Variants in KLHL18 observed in about 807,000 individuals in gnomAD.
KLHL18 encodes kelch like family member 18.
KLHL18 carries 38 observed loss-of-function variants against 58.5 expected under a neutral mutation model. The observed-to-expected ratio is 0.65, with a 90% confidence interval of 0.50 to 0.85. The LOEUF is 0.85. KLHL18 is among the 40% of genes least tolerant of loss of function. The pLI is 0.00. For missense variants in KLHL18, 624 were observed against 778.4 expected (o/e 0.80, Z 2.36); for synonymous variants, 303 against 301.9 (o/e 1.00, Z -0.04).
At chr3:47,299,980 G>A (rs56775587) in intron 1 of KLHL18, among the ~76,000 whole-genome samples, 10,795 of 151,444 alleles carry the variant, frequency 0.071, 1,266 homozygotes, top group African/African-American at 0.24. Context: ...TGTATATTTT[G>A]GATTTGCTAG....
At chr3:47,339,596 C>G (rs1006564719) in intron 7 of KLHL18, among the ~76,000 whole-genome samples, 16 of 152,176 alleles carry the variant, frequency 1.1e-4, no homozygotes, top group African/African-American at 3.6e-4. Flanking sequence ...AAATTAGAGG[C>G]CATGCACATG....
intron 1 of KLHL18, among the ~76,000 whole-genome samples, chr3:47,308,193 T>C (rs922644927): frequency 6.6e-6 from 1 of 151,918 alleles, no homozygotes; most frequent in African/African-American, 2.4e-5. Context: ...ATTCTTTCCA[T>C]GCAGTCTGGG....
At chr3:47,325,559 G>A (rs976497305) in intron 3 of KLHL18, among the ~76,000 whole-genome samples, 3 of 152,266 alleles carry the variant, frequency 2.0e-5, no homozygotes, top group East Asian at 1.9e-4. Context: ...CTGAGCACCA[G>A]TGGAAAAGAT....
chr3:47,333,724 G>T (rs1703920908), intron 5 of KLHL18, among the ~76,000 whole-genome samples: 2 of 152,238 alleles, frequency 1.3e-5, no homozygotes, highest in Admixed American at 1.3e-4. Flanking sequence ...AGTCAGTGCT[G>T]TGGGCATGGA....
At chr3:47,317,530 T>G in intron 1 of KLHL18, among the ~76,000 whole-genome samples, 1 of 152,170 alleles carries the variant, frequency 6.6e-6, no homozygotes, top group African/African-American at 2.4e-5. Context: ...AGAGTTCCAG[T>G]AGATAATGTC....
At position 47,334,483 on chromosome 3, in the gene KLHL18, C is replaced by T. The variant is rs1703939554; in HGVS notation, c.762-200C>T. Among the ~76,000 whole-genome samples, 1 of 152,046 alleles carries T rather than the reference C, an allele frequency of 6.6e-6. No homozygotes were observed. Among genetic ancestry groups the T allele is most frequent in the African/African-American group, 2.4e-5 (1 of 41,392 alleles). ...CTGAGGTGGTCTTTGCTTGTCTTGC[C>T]CCTTTAATTTTGAGTATATCTCAGT... On this transcript the variant is annotated intron_variant, in intron 5 of 9. Coordinates refer to ENST00000232766, the MANE Select transcript of KLHL18 (RefSeq NM_025010.5). This position sits in a 1 kb window ranked among gnomAD's most constrained non-coding sequence, Gnocchi z 4.7.
At chr3:47,319,950 A>G (rs978041442) in intron 2 of KLHL18, among the ~76,000 whole-genome samples, 167 bp downstream of exon 2, 6 of 152,126 alleles carry the variant, frequency 3.9e-5, no homozygotes, top group African/African-American at 1.4e-4. Context: ...GTGGTCTGAG[A>G]TAGGGTTAAA....
Position 47,344,471 on chromosome 3 carries a change from C to T in KLHL18, c.*530C>T. 1 of 160,810 alleles carries T rather than the reference C, an allele frequency of 6.2e-6. No homozygotes were observed. Among genetic ancestry groups the T allele is most frequent in the Non-Finnish European group, 1.4e-5 (1 of 74,058 alleles). The allele number at this position is 160,810 out of a possible 1,614,324, so 10.0% of individuals were successfully genotyped here. ...GCTGCACACAGGCACATTCCTTCTTCCACAGTGGGGCACCAAGGATTCTGT... is the reference window on the plus strand; with the variant it reads ...GCTGCACACAGGCACATTCCTTCTTTCACAGTGGGGCACCAAGGATTCTGT... On this transcript the variant is annotated 3_prime_UTR_variant, in exon 10 of 10. Transcript: ENST00000232766.
intron 4 of KLHL18, among the ~76,000 whole-genome samples, chr3:47,332,932 T>C (rs1703898399): frequency 6.6e-6 from 1 of 152,110 alleles, no homozygotes; most frequent in African/African-American, 2.4e-5. Context: ...AAGATGCCAT[T>C]GATGATTTTT....
At chr3:47,305,961 T>C (rs993191525) in intron 1 of KLHL18, among the ~76,000 whole-genome samples, 3 of 152,096 alleles carry the variant, frequency 2.0e-5, no homozygotes, top group African/African-American at 7.2e-5. Context: ...CCTGTATTGG[T>C]GATTTGTCTT....
In KLHL18 at chr3:47,300,637, C is replaced by CTTTTTTTTTTTT. The variant is rs10687949; in HGVS notation, c.129+17551_129+17562dup. 3.2e-4 allele frequency among the ~76,000 whole-genome samples: 25 copies of CTTTTTTTTTTTT among 76,930 alleles called. 1 individual carries two copies. Among genetic ancestry groups the CTTTTTTTTTTTT allele is most frequent in the South Asian group, 5.5e-4 (1 of 1,810 alleles). The allele number at this position is 76,930 out of a possible 152,430, so 50.5% of individuals were successfully genotyped here. ...TGAGTAGTGGTATCTCATTGTGATTCTTTTTTTTTTTTTTTTTTTGAGACA... is the reference window on the plus strand; with the variant it reads ...TGAGTAGTGGTATCTCATTGTGATTCTTTTTTTTTTTTTTTTTTTTTTTTTTTTTTTGAGACA... On this transcript the variant is annotated intron_variant, in intron 1 of 9. Transcript: ENST00000232766.
chr3:47,308,924 G>A (rs542844048), intron 1 of KLHL18, among the ~76,000 whole-genome samples: 13 of 152,250 alleles, frequency 8.5e-5, no homozygotes, highest in African/African-American at 2.2e-4. Context: ...GGGGCCTTCC[G>A]CAGTGTTTGT....
In KLHL18 at chr3:47,333,281, A is replaced by T; in HGVS notation, c.725A>T (p.Gln242Leu). ...CCCCAGTTCCTTTCAGACAGAGTAC[A>T]GCAGGATGACCTGGTGCGTTGCTGC... ...CRPQFLSDRV[Q>L]QDDLVRCCHK... is the part of the protein sequence containing the mutation. Residue 242 changes from glutamine (Q) to leucine (L), a missense_variant, in exon 5 of 10, where the codon CAG (glutamine) becomes CTG (leucine). By Grantham distance (113) the Gln-to-Leu change is moderately radical. Coordinates refer to ENST00000232766, the MANE Select transcript of KLHL18 (RefSeq NM_025010.5). 3 of 1,614,154 alleles carry T rather than the reference A, an allele frequency of 1.9e-6. No homozygotes were observed. Among genetic ancestry groups the T allele is most frequent in the Non-Finnish European group, 2.5e-6 (3 of 1,180,004 alleles).
chr3:47,284,648 T>G (rs1388822110), intron 1 of KLHL18, among the ~76,000 whole-genome samples: 1 of 152,112 alleles, frequency 6.6e-6, no homozygotes, highest in Non-Finnish European at 1.5e-5. Flanking sequence ...GCTCTTCTTA[T>G]TTTCTACATG....
At chr3:47,309,245 G>A (rs1371260370) in intron 1 of KLHL18, among the ~76,000 whole-genome samples, 6 of 152,050 alleles carry the variant, frequency 3.9e-5, no homozygotes, top group African/African-American at 1.2e-4. Flanking sequence ...CGACAAAACC[G>A]CCATCGTCAT....
chr3:47,292,731 C>T (rs1357075639), intron 1 of KLHL18, among the ~76,000 whole-genome samples: 2 of 151,284 alleles, frequency 1.3e-5, no homozygotes, highest in Admixed American at 1.3e-4. Flanking sequence ...CATGTCAAAA[C>T]CTTGTCTTTA....
chr3:47,294,004 C>T lies in KLHL18; in HGVS notation c.129+10910C>T, dbSNP rs189077617. Among the ~76,000 whole-genome samples, 405 of 152,336 alleles carry T rather than the reference C, an allele frequency of 2.7e-3. 3 individuals carry two copies. Among genetic ancestry groups the T allele is most frequent in the Admixed American group, 4.4e-3 (68 of 15,304 alleles). On this transcript the variant is annotated intron_variant, in intron 1 of 9. Coordinates refer to ENST00000232766, the MANE Select transcript of KLHL18 (RefSeq NM_025010.5). Reference sequence around the variant, plus strand: ...ACTGAATTATTTACTGAGGTATCTACATAATAGCTGCTCAGTAAACCACTG... The same window carrying T: ...ACTGAATTATTTACTGAGGTATCTATATAATAGCTGCTCAGTAAACCACTG...
intron 1 of KLHL18, among the ~76,000 whole-genome samples, chr3:47,301,376 C>G (rs907068764): frequency 1.1e-4 from 17 of 151,920 alleles, no homozygotes; most frequent in Non-Finnish European, 2.2e-4. Flanking sequence ...AATCTTTGGT[C>G]CATTCTGAGT....
Position 47,333,285 on chromosome 3 carries a change from G to C in KLHL18, c.729G>C (p.Gln243His). 6.2e-7 allele frequency: 1 copy of C among 1,614,102 alleles called. No homozygotes were observed. Among genetic ancestry groups the C allele is most frequent in the Non-Finnish European group, 8.5e-7 (1 of 1,179,992 alleles). ...AGTTCCTTTCAGACAGAGTACAGCA[G>C]GATGACCTGGTGCGTTGCTGCCACA... ...RPQFLSDRVQQDDLVRCCHKC... is the reference protein window; with the variant it reads ...RPQFLSDRVQHDDLVRCCHKC... The change falls in exon 5 of 10, where the codon CAG (glutamine) becomes CAC (histidine). Residue 243 changes from glutamine to histidine, a missense_variant. Coordinates refer to ENST00000232766, the MANE Select transcript of KLHL18 (RefSeq NM_025010.5).
Sources: gnomAD v4.1 joint callset for allele counts (sites outside exome capture counted in the v4.1 genomes callset) on GRCh38, gnomAD v4.1.1 for gene constraint, Gnocchi (gnomAD v3.1) non-coding constraint, MANE v1.5 for transcripts, NCBI Gene and HGNC (gene_info 2026-07-23, HGNC 2026-07-21) for gene names.